The following SLC24A2 variants were observed in gnomAD, a reference collection of about 807,000 sequenced individuals.
The protein encoded by SLC24A2 is solute carrier family 24 member 2, also known as sodium/potassium/calcium exchanger 2.
A neutral mutation model predicts 62.0 loss-of-function variants in SLC24A2; 36 were observed. That is an observed-to-expected ratio of 0.58 (90% CI 0.44 to 0.77). The LOEUF is 0.77. Ranked by LOEUF, SLC24A2 falls within the 30% of genes least tolerant of loss-of-function variation. SLC24A2 has a pLI of 0.00. For synonymous variants in SLC24A2, 358 were observed against 294.0 expected, an observed-to-expected ratio of 1.22 and a Z score of -2.23; for missense variants, 846 against 817.9, an observed-to-expected ratio of 1.03 and a Z score of -0.42.
rs1832731743 is a variant in SLC24A2 at position 19,511,960 on chromosome 9, T to C, written c.*4193A>G. On this transcript the variant is annotated 3_prime_UTR_variant, in exon 11 of 11. Coordinates refer to ENST00000341998, the MANE Select transcript of SLC24A2 (RefSeq NM_020344.4). ...TGCCTGCCATCAGACCCATGTTAGATAGTCCAACGCAGTAATTTCTGCAGA... is the reference window on the plus strand; with the variant it reads ...TGCCTGCCATCAGACCCATGTTAGACAGTCCAACGCAGTAATTTCTGCAGA... The C allele has an allele frequency of 6.6e-6, 1 of 152,262 alleles. No individual in the cohort carries two copies. Among genetic ancestry groups the C allele is most frequent in the Non-Finnish European group, 1.5e-5 (1 of 68,072 alleles). The allele number at this position is 152,262 out of a possible 1,614,324, so 9.4% of individuals were successfully genotyped here. A position where few individuals can be genotyped will look rare whatever the true frequency, so the allele number is the denominator to read the frequency against.
the SLC24A2 span, among the ~76,000 whole-genome samples, chr9:19,849,495 G>C: frequency 6.6e-6 from 1 of 152,096 alleles, no homozygotes; most frequent in Non-Finnish European, 1.5e-5. Flanking sequence ...CTAATGAAAA[G>C]ACATTGTACT....
At chr9:20,196,840 AAAC>A in the SLC24A2 span, among the ~76,000 whole-genome samples, 1 of 152,226 alleles carries the variant, frequency 6.6e-6, no homozygotes, top group Non-Finnish European at 1.5e-5. Flanking sequence ...CCCCTCCTAA[AAAC>A]AACACTTGTG....
At chr9:20,152,990 G>A in the SLC24A2 span, among the ~76,000 whole-genome samples, 3 of 151,826 alleles carry the variant, frequency 2.0e-5, no homozygotes, top group South Asian at 4.1e-4. Flanking sequence ...GTTGTACAGA[G>A]GGGAAAGGCA....
intron 2 of SLC24A2, among the ~76,000 whole-genome samples, chr9:19,698,822 T>C (rs1425604298): frequency 6.6e-6 from 1 of 152,200 alleles, no homozygotes; most frequent in African/African-American, 2.4e-5. Flanking sequence ...AGAGACCTTT[T>C]GTATGGGAAT....
Position 19,762,793 on chromosome 9 carries a change from C to CTTTTTTTTTTTTT in SLC24A2, c.930+23131_930+23143dup, listed in dbSNP as rs58241037. Reference sequence around the variant, plus strand: ...CTTAGGATTGTCTTGGCTATATGTGCTTTTTTTTTTTTTTTTTTGGTTCCA... The same window carrying CTTTTTTTTTTTTT: ...CTTAGGATTGTCTTGGCTATATGTGCTTTTTTTTTTTTTTTTTTTTTTTTTTTTTTTGGTTCCA... On this transcript the variant is annotated intron_variant, in intron 2 of 10. Transcript: ENST00000341998. Among the ~76,000 whole-genome samples the CTTTTTTTTTTTTT allele has an allele frequency of 3.9e-5, 4 of 102,394 alleles. 2 individuals carry two copies. Among genetic ancestry groups the CTTTTTTTTTTTTT allele is most frequent in the Non-Finnish European group, 4.0e-5 (2 of 50,134 alleles). The allele number at this position is 102,394 out of a possible 152,430, so 67.2% of individuals were successfully genotyped here.
At chr9:19,904,091 C>A in the SLC24A2 span, among the ~76,000 whole-genome samples, 10 of 152,162 alleles carry the variant, frequency 6.6e-5, no homozygotes, top group Non-Finnish European at 1.5e-5. Flanking sequence ...GTAGCAAAGA[C>A]CTGCCAGGAC....
the SLC24A2 span, among the ~76,000 whole-genome samples, chr9:19,956,530 G>T: frequency 6.6e-6 from 1 of 152,166 alleles, no homozygotes; most frequent in East Asian, 1.9e-4. Context: ...TGGACTTACA[G>T]TTCCACGTGG....
intron 2 of SLC24A2, among the ~76,000 whole-genome samples, chr9:19,767,979 A>C (rs1822571590): frequency 6.6e-6 from 1 of 152,166 alleles, no homozygotes; most frequent in Non-Finnish European, 1.5e-5. Context: ...GGGGCATCGC[A>C]TGGTGAACGG....
At chr9:20,019,151 A>AG in the SLC24A2 span, among the ~76,000 whole-genome samples, 231 of 99,196 alleles carry the variant, frequency 2.3e-3, 5 homozygotes, top group Non-Finnish European at 2.8e-3. Context: ...GAAAGAAAGA[A>AG]AGAAAGAGAG....
chr9:19,611,103 CCTCTGATCAGGT>C (rs1837147549), intron 4 of SLC24A2, among the ~76,000 whole-genome samples: 1 of 152,128 alleles, frequency 6.6e-6, no homozygotes, highest in Non-Finnish European at 1.5e-5. Flanking sequence ...CTGAGTAAGG[CCTCTGATCAGGT>C]GACATGTGAA....
chr9:19,820,054 T>C, the SLC24A2 span, among the ~76,000 whole-genome samples: 8 of 18,570 alleles, frequency 4.3e-4, no homozygotes, highest in South Asian at 2.8e-3. Flanking sequence ...TATATATATA[T>C]ACACATATAT....
chr9:19,694,231 T>C (rs1820122701), intron 2 of SLC24A2, among the ~76,000 whole-genome samples: 1 of 152,140 alleles, frequency 6.6e-6, no homozygotes, highest in South Asian at 2.1e-4. Flanking sequence ...GATATCATAA[T>C]ATTATCTTAG....
At chr9:19,642,986 CTTTTT>C (rs71335441) in intron 2 of SLC24A2, among the ~76,000 whole-genome samples, 6 of 125,290 alleles carry the variant, frequency 4.8e-5, no homozygotes, top group African/African-American at 9.0e-5. Flanking sequence ...GGCCAGTATT[CTTTTT>C]TTTTTTTTTT....
rs1346239163 is a variant in SLC24A2, at chr9:19,691,962, C to T, written c.931-69663G>A. 2.0e-5 allele frequency among the ~76,000 whole-genome samples: 3 copies of T among 152,074 alleles called. No individual in the cohort carries two copies. In the East Asian group the frequency reaches 5.8e-4, roughly 29 times the overall value. ...TTATACTACAAGGGAAGATTGTTTGCAAGCAAACACTGGAATTATAAAAAT... is the reference window on the plus strand; with the variant it reads ...TTATACTACAAGGGAAGATTGTTTGTAAGCAAACACTGGAATTATAAAAAT... On this transcript the variant is annotated intron_variant, in intron 2 of 10. Transcript: ENST00000341998.
At chr9:19,808,909 A>T in the SLC24A2 span, among the ~76,000 whole-genome samples, 1 of 152,178 alleles carries the variant, frequency 6.6e-6, no homozygotes, top group African/African-American at 2.4e-5. The surrounding 1 kb of genome is among the most constrained non-coding windows in gnomAD (Gnocchi z 4.1). Flanking sequence ...TTACAAATGG[A>T]CCATTTAAAA....
At chr9:20,176,552 C>T in the SLC24A2 span, among the ~76,000 whole-genome samples, 867 of 152,138 alleles carry the variant, frequency 5.7e-3, 5 homozygotes, top group African/African-American at 0.018. Context: ...CGGAAAGGGA[C>T]TGGAAACAGC....
intron 2 of SLC24A2, among the ~76,000 whole-genome samples, chr9:19,736,484 A>T (rs915148486): frequency 1.5e-4 from 23 of 152,310 alleles, no homozygotes; most frequent in Non-Finnish European, 2.5e-4. Flanking sequence ...AACCAAAAGA[A>T]GTCTGGTTTA....
chr9:20,159,078 G>C, the SLC24A2 span, among the ~76,000 whole-genome samples: 1 of 151,612 alleles, frequency 6.6e-6, no homozygotes, highest in Non-Finnish European at 1.5e-5. Context: ...GCCACTGAGA[G>C]ATTGCATTTT....
At chr9:19,573,300 G>T in intron 7 of SLC24A2, 51 bp downstream of exon 7, 3 of 1,235,940 alleles carry the variant, frequency 2.4e-6, no homozygotes, top group Non-Finnish European at 3.6e-6. Flanking sequence ...TGCCACGCTA[G>T]GATATCAGTT....
Sources: gnomAD v4.1 joint callset for allele counts (sites outside exome capture counted in the v4.1 genomes callset) on GRCh38, gnomAD v4.1.1 for gene constraint, Gnocchi (gnomAD v3.1) non-coding constraint, MANE v1.5 for transcripts, NCBI Gene and HGNC (gene_info 2026-07-23, HGNC 2026-07-21) for gene names.